The following NPHP3 variants were observed in gnomAD, a reference collection of about 807,000 sequenced individuals.
The protein encoded by NPHP3 is nephrocystin-3.
In NPHP3, 123 loss-of-function variants were observed where a neutral mutation model predicts 171.9. That is an observed-to-expected ratio of 0.72 (90% CI 0.62 to 0.83). The LOEUF (loss-of-function observed/expected upper bound fraction) is 0.83, where lower values mean the gene tolerates loss of function less well. Ranked by LOEUF, NPHP3 falls within the 40% of genes least tolerant of loss-of-function variation. The pLI is 0.00. For missense variants in NPHP3, 1,506 were observed against 1,591.9 expected (o/e 0.95, Z 0.92); for synonymous variants, 558 against 579.2 (o/e 0.96, Z 0.52).
In NPHP3 at chr3:132,712,090, T is replaced by C. The variant is rs201853495; in HGVS notation, c.1118+1036A>G. Among the ~76,000 whole-genome samples, 19 of 152,202 alleles carry C rather than the reference T, an allele frequency of 1.2e-4. No individual in the cohort carries two copies. In the East Asian group the frequency reaches 3.7e-3, roughly 29 times the overall value. On this transcript the variant is annotated intron_variant, in intron 6 of 26. Transcript: ENST00000337331. Reference sequence around the variant, plus strand: ...GCCTCTTATTAAACTTATTTTGTCCTTTATCTCTATATCTAACTGGTGAAA... The same window carrying C: ...GCCTCTTATTAAACTTATTTTGTCCCTTATCTCTATATCTAACTGGTGAAA...
intron 8 of NPHP3, among the ~76,000 whole-genome samples, chr3:132,705,330 T>C (rs114712805): frequency 0.012 from 1,864 of 152,186 alleles, 47 homozygotes; most frequent in African/African-American, 0.043. Flanking sequence ...CTCACCCCCC[T>C]GGAGGCATGC....
intron 9 of NPHP3, 56 bp from the exon 10 acceptor site, chr3:132,701,589 AAG>A: frequency 9.4e-7 from 1 of 1,069,008 alleles, no homozygotes; most frequent in Non-Finnish European, 1.5e-6. Context: ...GAGACTACTG[AAG>A]AGTCAACTTC....
At position 132,715,122 on chromosome 3, in the gene NPHP3, G is replaced by A. The variant is rs535433647; in HGVS notation, c.920C>T (p.Thr307Ile). 3.1e-6 allele frequency: 5 copies of A among 1,612,296 alleles called. No homozygotes were observed. In the South Asian group the frequency reaches 3.3e-5, roughly 11 times the overall value. ...SNTVRCYLIY[T>I]DETQPEMDLF... is the part of the protein sequence containing the mutation. ...ATCCATCTCAGGCTGGGTTTCATCT[G>A]TATAAATGAGGTAACATCTGACAGT... Residue 307 changes from threonine (T) to isoleucine (I), a missense_variant, in exon 5 of 27, where the codon ACA becomes ATA. By Grantham distance (89) the Thr-to-Ile change is moderately conservative (BLOSUM62 -1). Around this residue, in one of 3 missense-constraint regions of NPHP3, gnomAD observed 930 missense variants for 924.9 expected, o/e 1.01. Coordinates refer to ENST00000337331, the MANE Select transcript of NPHP3 (RefSeq NM_153240.5).
At chr3:132,682,897 G>T in intron 25 of NPHP3, 79 bp from the exon 26 acceptor site, 2 of 855,478 alleles carry the variant, frequency 2.3e-6, no homozygotes, top group South Asian at 1.4e-5. Flanking sequence ...AACCTACTTT[G>T]ATTAGTACTT....
At chr3:132,701,336 G>T in intron 10 of NPHP3, 94 bp downstream of exon 10, 1 of 821,112 alleles carries the variant, frequency 1.2e-6, no homozygotes, top group Non-Finnish European at 2.1e-6. Flanking sequence ...GTTTAGTGTA[G>T]GCCGCGCAGG....
In NPHP3 at chr3:132,699,467, C is replaced by G; in HGVS notation, c.1888-17G>C. 6.5e-7 allele frequency: 1 copy of G among 1,528,304 alleles called. No homozygotes were observed. The highest frequency in any genetic ancestry group is 2.3e-5 in the East Asian group (1 of 44,344). 94.7% of individuals were successfully genotyped at this position (1,528,304 alleles called of 1,614,324 possible). A position where few individuals can be genotyped will look rare whatever the true frequency, so the allele number is the denominator to read the frequency against. On this transcript the variant is annotated splice_polypyrimidine_tract_variant and intron_variant, in intron 12 of 26. Coordinates refer to ENST00000337331, the MANE Select transcript of NPHP3 (RefSeq NM_153240.5). ...TTCAACTTGCTTAAAAATATAAAAACAAAATTCAATCTATTAATCAAAATA... is the reference window on the plus strand; with the variant it reads ...TTCAACTTGCTTAAAAATATAAAAAGAAAATTCAATCTATTAATCAAAATA...
rs1448356750 is a variant in NPHP3 at position 132,682,022 on chromosome 3, T to A, written c.3881A>T (p.Glu1294Val). 6.2e-7 allele frequency: 1 copy of A among 1,614,112 alleles called. No individual in the cohort carries two copies. The highest frequency in any genetic ancestry group is 8.5e-7 in the Non-Finnish European group (1 of 1,179,950). ...YKRAMEIKEA[E>V]TSLLGGKAPS... ...AGCTTTTCCACCCAAGAGTGATGTT[T>A]CTGCTTCTTTTATTTCCATTGCCCT... Residue 1294 changes from glutamate (E) to valine (V), a missense_variant, in exon 27 of 27, where the codon GAA becomes GTA. Glu to Val is a moderately radical substitution (Grantham distance 121). Coordinates refer to ENST00000337331, the MANE Select transcript of NPHP3 (RefSeq NM_153240.5).
intron 2 of NPHP3, among the ~76,000 whole-genome samples, chr3:132,719,390 T>C (rs1292930722): frequency 1.3e-5 from 2 of 152,280 alleles, no homozygotes; most frequent in Non-Finnish European, 1.5e-5. Context: ...TTTAGGAAAT[T>C]TGTCTCTCTC....
At position 132,691,299 on chromosome 3, in the gene NPHP3, A is replaced by G. The variant is rs772055003; in HGVS notation, c.2476-13T>C. ...CTGTTTCCCAAGCCTAGGGAGAAAA[A>G]GAAGAAATACTGAGTTCTATTTCAC... is the stretch of plus-strand genomic sequence containing the variant. On this transcript the variant is annotated splice_polypyrimidine_tract_variant and intron_variant, in intron 17 of 26. Transcript: ENST00000337331. 1 of 1,579,700 alleles carries G rather than the reference A, an allele frequency of 6.3e-7. No individual in the cohort carries two copies. The highest frequency in any genetic ancestry group is 1.1e-5 in the South Asian group (1 of 90,350).
chr3:132,722,090 G>C lies in NPHP3; in HGVS notation c.266C>G (p.Ala89Gly), dbSNP rs1420001268. Residue 89 changes from alanine to glycine, a missense_variant, in exon 1 of 27, where the codon GCC becomes GGC. Physicochemically the swap from Ala to Gly is moderately conservative, Grantham distance 60 (BLOSUM62 0). This residue lies in a region of NPHP3 where 930 missense variants were observed against 924.9 expected (regional missense o/e 1.01). Coordinates refer to ENST00000337331, the MANE Select transcript of NPHP3 (RefSeq NM_153240.5). ...CTCCTTCCTGAGCCGCTCGTACTCG[G>C]CCGCCGCGTACTCCAGCTCTGGCAC... ...SSVPELEYAA[A>G]EYERLRKEYE... The C allele has an allele frequency of 8.1e-6, 13 of 1,609,884 alleles. No individual in the cohort carries two copies. The highest frequency in any genetic ancestry group is 1.1e-5 in the Non-Finnish European group (13 of 1,179,816).
chr3:132,688,962 A>G (rs2107967853), intron 20 of NPHP3, 71 bp from the exon 21 acceptor site: 1 of 1,612,606 alleles, frequency 6.2e-7, no homozygotes, highest in Non-Finnish European at 8.5e-7. Context: ...CTGATTAAAT[A>G]TTAAGGATTA....
At chr3:132,697,412 T>C (rs771082641) in intron 13 of NPHP3, 50 bp from the exon 14 acceptor site, 18 of 1,173,254 alleles carry the variant, frequency 1.5e-5, no homozygotes, top group Non-Finnish European at 2.0e-5. Flanking sequence ...CAACAAGAAC[T>C]GTAATTACCC....
At position 132,715,068 on chromosome 3, in the gene NPHP3, T is replaced by C. The variant is rs767426619; in HGVS notation, c.957+17A>G. ...ATATTTTAAATTGGTTGATACAGAA[T>C]TTATAAATATCCTCACCTTAAGGAA... On this transcript the variant is annotated intron_variant, in intron 5 of 26. Coordinates refer to ENST00000337331, the MANE Select transcript of NPHP3 (RefSeq NM_153240.5). 1.2e-6 allele frequency: 2 copies of C among 1,602,232 alleles called. No homozygotes were observed. The highest frequency in any genetic ancestry group is 2.2e-5 in the South Asian group (2 of 90,646).
At position 132,690,548 on chromosome 3, in the gene NPHP3, C is replaced by A; in HGVS notation, c.2673G>T (p.Val891=). The change falls in exon 19 of 27, where the codon GTG becomes GTT. Residue 891 remains valine, a synonymous_variant. Transcript: ENST00000337331. The part of the protein sequence containing the change: ...KLHDCLLNLF[V]SQNLYKRGHF... ...CTTACCTTTTATAAAGGTTTTGAGA[C>A]ACAAAGAGATTAAGAAGGCAATCAT... The A allele has an allele frequency of 6.2e-7, 1 of 1,613,582 alleles. No individual in the cohort carries two copies.
At position 132,707,595 on chromosome 3, in the gene NPHP3, C is replaced by T. The variant is rs527653315; in HGVS notation, c.1275+506G>A. Among the ~76,000 whole-genome samples, 29 of 152,256 alleles carry T rather than the reference C, an allele frequency of 1.9e-4. 1 individual carries two copies. Among genetic ancestry groups the T allele is most frequent in the Admixed American group, 1.6e-3 (25 of 15,294 alleles). The stretch of plus-strand genomic sequence containing the variant: ...TCATACTCTTGCTAGCCACACACTG[C>T]GATTTATTTCTCTCTCTTTTCTCAC... On this transcript the variant is annotated intron_variant, in intron 7 of 26. Coordinates refer to ENST00000337331, the MANE Select transcript of NPHP3 (RefSeq NM_153240.5).
chr3:132,684,855 C>T, intron 23 of NPHP3, 61 bp from the exon 24 acceptor site: 4 of 1,584,464 alleles, frequency 2.5e-6, no homozygotes, highest in Non-Finnish European at 3.4e-6. Context: ...GAATCCTGAC[C>T]CCTAAATTAA....
intron 13 of NPHP3, among the ~76,000 whole-genome samples, chr3:132,698,244 G>T (rs1236556128): frequency 6.6e-6 from 1 of 152,088 alleles, no homozygotes; most frequent in Non-Finnish European, 1.5e-5. Flanking sequence ...CTCCCAAAGT[G>T]TTGGGATTAC....
At chr3:132,706,316 T>G (rs775607531) in intron 7 of NPHP3, among the ~76,000 whole-genome samples, 5 of 148,908 alleles carry the variant, frequency 3.4e-5, no homozygotes, top group Admixed American at 6.7e-5. Flanking sequence ...CTGAGATCGC[T>G]CTACTGCACT....
intron 1 of NPHP3, 51 bp downstream of exon 1, chr3:132,721,912 C>G (rs1237544347): frequency 6.3e-7 from 1 of 1,597,830 alleles, no homozygotes; most frequent in Admixed American, 1.7e-5. Context: ...GGGAGCAGGA[C>G]GGCCGTGCTT....
Sources: allele counts gnomAD v4.1 joint callset (sites outside exome capture counted in the v4.1 genomes callset), GRCh38; gene constraint gnomAD v4.1.1; regional missense constraint gnomAD v4.1.1; transcripts MANE v1.5; gene names NCBI Gene and HGNC (gene_info 2026-07-23, HGNC 2026-07-21).